Variants in PLEKHG3 observed in about 807,000 individuals in gnomAD.
PLEKHG3 encodes pleckstrin homology and RhoGEF domain containing G3, also known as pleckstrin homology domain-containing family G member 3.
A neutral mutation model predicts 94.9 loss-of-function variants in PLEKHG3; 62 were observed. The observed-to-expected ratio is 0.65, with a 90% CI of 0.53 to 0.81. PLEKHG3 has a LOEUF of 0.81. Among genes scored for constraint, PLEKHG3 ranks in the 30% least tolerant of loss-of-function variants. The pLI, the probability that PLEKHG3 is intolerant of heterozygous loss-of-function variation, is 0.00. For synonymous variants in PLEKHG3, 614 were observed against 654.0 expected (o/e 0.94, Z 0.93); for missense variants, 1,461 against 1,619.3 (o/e 0.90, Z 1.68).
chr14:64,704,526 G>C lies in PLEKHG3; in HGVS notation c.-218G>C, dbSNP rs2080942333. ...AGCCGCGCGCTGCCTGGGGTCTCCG[G>C]GGGCCGCGCTTGCAGCTGGCCGAGT... is the stretch of plus-strand genomic sequence containing the variant. On this transcript the variant is annotated 5_prime_UTR_variant, in exon 1 of 17. Transcript: ENST00000247226. This position sits in a 1 kb window ranked among gnomAD's most constrained non-coding sequence, Gnocchi z 5.6. 6.5e-6 allele frequency: 1 copy of C among 154,742 alleles called. No homozygotes were observed. Among genetic ancestry groups the C allele is most frequent in the Admixed American group, 6.5e-5 (1 of 15,332 alleles). The allele number at this position is 154,742 out of a possible 1,614,324, so 9.6% of individuals were successfully genotyped here. A position where few individuals can be genotyped will look rare whatever the true frequency, so the allele number is the denominator to read the frequency against.
Position 64,738,118 on chromosome 14 carries a change from G to T in PLEKHG3, c.1405-624G>T. 1 of 1,302,330 alleles carries T rather than the reference G, an allele frequency of 7.7e-7. No homozygotes were observed. Among genetic ancestry groups the T allele is most frequent in the Non-Finnish European group, 1.0e-6 (1 of 996,104 alleles). The allele number at this position is 1,302,330 out of a possible 1,614,324, so 80.7% of individuals were successfully genotyped here. On this transcript the variant is annotated intron_variant, in intron 14 of 16. Coordinates refer to ENST00000247226, the MANE Select transcript of PLEKHG3 (RefSeq NM_001308147.2). The surrounding 1 kb of genome is among the most constrained non-coding windows in gnomAD (Gnocchi z 4.8). ...GAGGAGGAGGAGGAGCAGGAGGAGA[G>T]CCTGGCGGTGGCGGAGCAGGTAGCC...
chr14:64,742,387 A>C lies in PLEKHG3; in HGVS notation c.2870A>C (p.Glu957Ala). ...PPLQWEKVAP[E>A]RDGKSPTVPC... ...CTGCAGTGGGAAAAGGTGGCCCCTG[A>C]GAGGGATGGGAAGAGCCCCACTGTG... Residue 957 changes from glutamate to alanine, a missense_variant, in exon 16 of 17, where the codon GAG becomes GCG. Glu to Ala is a moderately radical substitution (Grantham distance 107). Coordinates refer to ENST00000247226, the MANE Select transcript of PLEKHG3 (RefSeq NM_001308147.2). 6.2e-7 allele frequency: 1 copy of C among 1,612,862 alleles called. No individual in the cohort carries two copies. The highest frequency in any genetic ancestry group is 8.5e-7 in the Non-Finnish European group (1 of 1,180,008).
At position 64,729,831 on chromosome 14, in the gene PLEKHG3, G is replaced by C. The variant is rs556279885; in HGVS notation, c.450-412G>C. 8.5e-5 allele frequency among the ~76,000 whole-genome samples: 13 copies of C among 152,244 alleles called. No homozygotes were observed. The East Asian group carries it at 2.3e-3, about 27-fold the overall frequency. On this transcript the variant is annotated intron_variant, in intron 3 of 16. Coordinates refer to ENST00000247226, the MANE Select transcript of PLEKHG3 (RefSeq NM_001308147.2). ...GAGGCAGGGAGCAGTGTTTCTAGGG[G>C]TGCCAGGACTCACCTGTCTCTCCCC...
At chr14:64,712,550 T>TAA (rs2081079340) in intron 1 of PLEKHG3, among the ~76,000 whole-genome samples, 2 of 152,352 alleles carry the variant, frequency 1.3e-5, no homozygotes, top group South Asian at 2.1e-4. Context: ...GTTAAATATA[T>TAA]TCCTAAGTAT....
At chr14:64,719,925 G>T (rs1291879879) in intron 1 of PLEKHG3, among the ~76,000 whole-genome samples, 1 of 152,154 alleles carries the variant, frequency 6.6e-6, no homozygotes, top group East Asian at 1.9e-4. Context: ...GGGAACTTTG[G>T]ATCTGTCTGT....
In PLEKHG3 at chr14:64,747,935, T is replaced by A. The variant is rs947386863; in HGVS notation, c.*4232T>A. ...AATGAGCTTTCTCTTCCTCCAGAAG[T>A]ATGACCTGAGCAGCAAGGGGAAGGC... On this transcript the variant is annotated 3_prime_UTR_variant, in exon 17 of 17. Transcript: ENST00000247226. The A allele has an allele frequency of 2.6e-5, 4 of 152,020 alleles. No homozygotes were observed. Among genetic ancestry groups the A allele is most frequent in the Non-Finnish European group, 5.9e-5 (4 of 68,082 alleles). 9.4% of individuals were successfully genotyped at this position (152,020 alleles called of 1,614,324 possible). A position where few individuals can be genotyped will look rare whatever the true frequency, so the allele number is the denominator to read the frequency against.
At position 64,737,033 on chromosome 14, in the gene PLEKHG3, A is replaced by G. The variant is rs557246162; in HGVS notation, c.1384+142A>G. The G allele has an allele frequency of 3.1e-5, 23 of 744,674 alleles. 1 individual carries two copies. In the African/African-American group the frequency reaches 3.6e-4, roughly 12 times the overall value. 46.1% of individuals were successfully genotyped at this position (744,674 alleles called of 1,614,324 possible). On this transcript the variant is annotated intron_variant, in intron 13 of 16. Coordinates refer to ENST00000247226, the MANE Select transcript of PLEKHG3 (RefSeq NM_001308147.2). ...AGGGAACTCTGCCTCCATTCCCCCCAGAAGAGGGCCTCGCCCCTGGCTGGC... is the reference window on the plus strand; with the variant it reads ...AGGGAACTCTGCCTCCATTCCCCCCGGAAGAGGGCCTCGCCCCTGGCTGGC...
chr14:64,716,710 C>T lies in PLEKHG3; in HGVS notation c.-39-10883C>T, dbSNP rs1264013665. ...CCCTGGTGGGCAGCGGACCCCGACCCTGGCACCCACCACTTCATAGTTCAG... is the reference window on the plus strand; with the variant it reads ...CCCTGGTGGGCAGCGGACCCCGACCTTGGCACCCACCACTTCATAGTTCAG... On this transcript the variant is annotated intron_variant, in intron 1 of 16. Transcript: ENST00000247226. The surrounding 1 kb of genome is among the most constrained non-coding windows in gnomAD (Gnocchi z 5.0). Among the ~76,000 whole-genome samples the T allele has an allele frequency of 1.3e-5, 2 of 152,198 alleles. No individual in the cohort carries two copies. The highest frequency in any genetic ancestry group is 1.3e-4 in the Admixed American group (2 of 15,288).
rs757633707 is a variant in PLEKHG3, at chr14:64,731,323, G to A, written c.850-38G>A. The A allele has an allele frequency of 2.2e-5, 34 of 1,571,706 alleles. No homozygotes were observed. In the South Asian group the frequency reaches 3.7e-4, roughly 17 times the overall value. On this transcript the variant is annotated intron_variant, in intron 7 of 16. Coordinates refer to ENST00000247226, the MANE Select transcript of PLEKHG3 (RefSeq NM_001308147.2). This position sits in a 1 kb window ranked among gnomAD's most constrained non-coding sequence, Gnocchi z 6.1. Reference sequence around the variant, plus strand: ...GTTTGCAGAGCCTCCTAAGGCCCCAGTGGCCTGACTCTAGGGATTGGGGCC... The same window carrying A: ...GTTTGCAGAGCCTCCTAAGGCCCCAATGGCCTGACTCTAGGGATTGGGGCC...
At position 64,715,024 on chromosome 14, in the gene PLEKHG3, G is replaced by T. The variant is rs906155185; in HGVS notation, c.-40+10320G>T. Among the ~76,000 whole-genome samples, 12 of 152,146 alleles carry T rather than the reference G, an allele frequency of 7.9e-5. No individual in the cohort carries two copies. The highest frequency in any genetic ancestry group is 2.7e-4 in the African/African-American group (11 of 41,420). The stretch of plus-strand genomic sequence containing the variant: ...TACTTGCTACTCACTGAGACCCCGT[G>T]CAGGTTGGTACCCCCACTGCAAGAG... On this transcript the variant is annotated intron_variant, in intron 1 of 16. Transcript: ENST00000247226. The surrounding 1 kb of genome is among the most constrained non-coding windows in gnomAD (Gnocchi z 4.4).
In PLEKHG3 at chr14:64,741,805, C is replaced by T; in HGVS notation, c.2288C>T (p.Pro763Leu). 6.2e-7 allele frequency: 1 copy of T among 1,613,612 alleles called. No homozygotes were observed. Reference protein sequence around the residue: ...SISRFNSLPRPDPEPVPPVGS... With the variant: ...SISRFNSLPRLDPEPVPPVGS... ...TCCAGGTTCAACAGCCTTCCCCGGC[C>T]AGACCCAGAGCCAGTACCTCCAGTG... is the stretch of plus-strand genomic sequence containing the variant. The change falls in exon 16 of 17, where the codon CCA becomes CTA. Residue 763 changes from proline (P) to leucine (L), a missense_variant. Physicochemically the swap from Pro to Leu is moderately conservative, Grantham distance 98. Around this residue, in one of 3 missense-constraint regions of PLEKHG3, gnomAD observed 1,201 missense variants for 1,295.5 expected, o/e 0.93. Transcript: ENST00000247226.
Position 64,732,325 on chromosome 14 carries a change from G to T in PLEKHG3, c.1213-102G>T, listed in dbSNP as rs1009662748. The T allele has an allele frequency of 8.6e-6, 11 of 1,276,632 alleles. No individual in the cohort carries two copies. Among genetic ancestry groups the T allele is most frequent in the Non-Finnish European group, 1.3e-5 (11 of 873,944 alleles). The allele number at this position is 1,276,632 out of a possible 1,614,324, so 79.1% of individuals were successfully genotyped here. Reference sequence around the variant, plus strand: ...TACAGCAGATGCCCCGGGCCTTGGTGCAGCACTGTGGGGTGTCCTCGTACA... The same window carrying T: ...TACAGCAGATGCCCCGGGCCTTGGTTCAGCACTGTGGGGTGTCCTCGTACA... On this transcript the variant is annotated intron_variant, in intron 10 of 16. Coordinates refer to ENST00000247226, the MANE Select transcript of PLEKHG3 (RefSeq NM_001308147.2). This position sits in a 1 kb window ranked among gnomAD's most constrained non-coding sequence, Gnocchi z 4.9.
chr14:64,749,558 G>T lies in PLEKHG3; in HGVS notation c.*5855G>T. 1 of 1,603,854 alleles carries T rather than the reference G, an allele frequency of 6.2e-7. No individual in the cohort carries two copies. On this transcript the variant is annotated 3_prime_UTR_variant, in exon 17 of 17. Coordinates refer to ENST00000247226, the MANE Select transcript of PLEKHG3 (RefSeq NM_001308147.2). The surrounding 1 kb of genome is among the most constrained non-coding windows in gnomAD (Gnocchi z 4.7). The stretch of plus-strand genomic sequence containing the variant: ...AGGCAACAATGGTGGGGGCTCTTGG[G>T]ACTGCCCCTTCTGAGGGGGCCTCCA...
At position 64,742,306 on chromosome 14, in the gene PLEKHG3, C is replaced by G. The variant is rs772391576; in HGVS notation, c.2789C>G (p.Ala930Gly). The change falls in exon 16 of 17, where the codon GCC (alanine) becomes GGC (glycine). Residue 930 changes from alanine to glycine, a missense_variant. Transcript: ENST00000247226. ...GTCAAGAACAAGGTCTACCAGCTGG[C>G]CCGCCAGTACAGCCTCCGGATCAAG... ...ERVKNKVYQL[A>G]RQYSLRIKSN... The G allele has an allele frequency of 3.7e-6, 6 of 1,612,896 alleles. No homozygotes were observed. Among genetic ancestry groups the G allele is most frequent in the Non-Finnish European group, 4.2e-6 (5 of 1,180,044 alleles).
chr14:64,749,539 C>T lies in PLEKHG3; in HGVS notation c.*5836C>T. 6.2e-7 allele frequency: 1 copy of T among 1,600,924 alleles called. No homozygotes were observed. Among genetic ancestry groups the T allele is most frequent in the South Asian group, 1.1e-5 (1 of 90,776 alleles). ...GCCCCCCACCTCCCGGGCCAGGCAACAATGGTGGGGGCTCTTGGGACTGCC... is the reference window on the plus strand; with the variant it reads ...GCCCCCCACCTCCCGGGCCAGGCAATAATGGTGGGGGCTCTTGGGACTGCC... On this transcript the variant is annotated 3_prime_UTR_variant, in exon 17 of 17. Coordinates refer to ENST00000247226, the MANE Select transcript of PLEKHG3 (RefSeq NM_001308147.2). The surrounding 1 kb of genome is among the most constrained non-coding windows in gnomAD (Gnocchi z 4.7).
At position 64,715,338 on chromosome 14, in the gene PLEKHG3, G is replaced by C. The variant is rs181950256; in HGVS notation, c.-40+10634G>C. On this transcript the variant is annotated intron_variant, in intron 1 of 16. Coordinates refer to ENST00000247226, the MANE Select transcript of PLEKHG3 (RefSeq NM_001308147.2). This position sits in a 1 kb window ranked among gnomAD's most constrained non-coding sequence, Gnocchi z 4.4. ...GAGAATGGTGAAAGGCACAGGGAGTGTGGATTCCAGCAAACCCTGGCTCCT... is the reference window on the plus strand; with the variant it reads ...GAGAATGGTGAAAGGCACAGGGAGTCTGGATTCCAGCAAACCCTGGCTCCT... 2.7e-4 allele frequency among the ~76,000 whole-genome samples: 41 copies of C among 152,312 alleles called. 1 individual carries two copies. Among genetic ancestry groups the C allele is most frequent in the Admixed American group, 2.0e-3 (31 of 15,304 alleles).
Position 64,743,839 on chromosome 14 carries a change from C to G in PLEKHG3, c.*136C>G, listed in dbSNP as rs1397053256. 4.3e-6 allele frequency: 4 copies of G among 930,996 alleles called. No individual in the cohort carries two copies. The highest frequency in any genetic ancestry group is 3.1e-5 in the Admixed American group (1 of 32,632). 57.7% of individuals were successfully genotyped at this position (930,996 alleles called of 1,614,324 possible). ...CGGAAAGTCCATCCCCTCCGCCCTTCAGGAAGGATGCTCCCGTGTGCAGGG... is the reference window on the plus strand; with the variant it reads ...CGGAAAGTCCATCCCCTCCGCCCTTGAGGAAGGATGCTCCCGTGTGCAGGG... On this transcript the variant is annotated 3_prime_UTR_variant, in exon 17 of 17. Transcript: ENST00000247226. The surrounding 1 kb of genome is among the most constrained non-coding windows in gnomAD (Gnocchi z 7.2).
In PLEKHG3 at chr14:64,748,073, G is replaced by C. The variant is rs1486733229; in HGVS notation, c.*4370G>C. 1 of 152,224 alleles carries C rather than the reference G, an allele frequency of 6.6e-6. No homozygotes were observed. The highest frequency in any genetic ancestry group is 1.5e-5 in the Non-Finnish European group (1 of 68,120). 9.4% of individuals were successfully genotyped at this position (152,224 alleles called of 1,614,324 possible). A position where few individuals can be genotyped will look rare whatever the true frequency, so the allele number is the denominator to read the frequency against. The stretch of plus-strand genomic sequence containing the variant: ...CCCCGCCAAGACCTGGGGCCAGGAC[G>C]TGGAGAAGCTGATCAAGGGGTACCA... On this transcript the variant is annotated 3_prime_UTR_variant, in exon 17 of 17. Transcript: ENST00000247226.
Position 64,730,950 on chromosome 14 carries a change from G to T in PLEKHG3, c.717+1G>T. ...CCTCAAGTACCACCTGCTGCTCCAG[G>T]TAGCCCCTCGGTCCTCCCAAGCACC... On this transcript the variant is annotated splice_donor_variant, in intron 6 of 16. Coordinates refer to ENST00000247226, the MANE Select transcript of PLEKHG3 (RefSeq NM_001308147.2). LOFTEE classifies it high-confidence loss of function. The surrounding 1 kb of genome is among the most constrained non-coding windows in gnomAD (Gnocchi z 5.4). 1 of 1,613,064 alleles carries T rather than the reference G, an allele frequency of 6.2e-7. No homozygotes were observed. Among genetic ancestry groups the T allele is most frequent in the Non-Finnish European group, 8.5e-7 (1 of 1,179,846 alleles).
Sources: allele counts gnomAD v4.1 joint callset (sites outside exome capture counted in the v4.1 genomes callset), GRCh38; gene constraint gnomAD v4.1.1; regional missense constraint gnomAD v4.1.1; non-coding constraint Gnocchi (gnomAD v3.1); transcripts MANE v1.5; gene names NCBI Gene and HGNC (gene_info 2026-07-23, HGNC 2026-07-21).